Variants in TARBP1 observed in about 807,000 individuals in gnomAD.
TARBP1 encodes tRNA (guanosine(18)-2'-O)-methyltransferase TARBP1.
In TARBP1, 144 loss-of-function variants were observed where a neutral mutation model predicts 178.6. The observed-to-expected ratio is 0.81, with a 90% CI of 0.70 to 0.93. TARBP1 has a LOEUF of 0.93. Among genes scored for constraint, TARBP1 ranks in the 40% least tolerant of loss-of-function variants. TARBP1 has a pLI of 0.00. For missense variants in TARBP1, 2,067 were observed against 2,011.7 expected (o/e 1.03, Z -0.53); for synonymous variants, 787 against 781.0 (o/e 1.01, Z -0.13).
Position 234,418,182 on chromosome 1 carries a change from T to C in TARBP1, c.3607A>G (p.Asn1203Asp). The C allele has an allele frequency of 6.4e-7, 1 of 1,553,854 alleles. No individual in the cohort carries two copies. The highest frequency in any genetic ancestry group is 8.6e-7 in the Non-Finnish European group (1 of 1,161,856). ...ATAAAATATTTTATGGATGCTTGAT[T>C]GTTGGTGAAACCAGCCTGGAAAATC... ...DRIFQAGFTN[N>D]QASIKYFIEW... Residue 1203 changes from asparagine to aspartate, a missense_variant, in exon 22 of 30, where the codon AAT (asparagine) becomes GAT (aspartate). Coordinates refer to ENST00000040877, the MANE Select transcript of TARBP1 (RefSeq NM_005646.4).
Position 234,457,667 on chromosome 1 carries a change from C to A in TARBP1, c.1722G>T (p.Glu574Asp). The change falls in exon 9 of 30, where the codon GAG becomes GAT. Residue 574 changes from glutamate to aspartate, a missense_variant and splice_region_variant. By Grantham distance (45) the Glu-to-Asp change is conservative. Coordinates refer to ENST00000040877, the MANE Select transcript of TARBP1 (RefSeq NM_005646.4). Reference sequence around the variant, plus strand: ...TTTATTAAATTATCTTTAATCTCACCTCTGTCCACAATGAAGTTCCTCGTC... The same window carrying A: ...TTTATTAAATTATCTTTAATCTCACATCTGTCCACAATGAAGTTCCTCGTC... ...SLGRGTSLWT[E>D]LCDWLRVNES... The A allele has an allele frequency of 1.3e-6, 2 of 1,598,924 alleles. No homozygotes were observed. The highest frequency in any genetic ancestry group is 1.7e-6 in the Non-Finnish European group (2 of 1,171,020).
In TARBP1 at chr1:234,478,786, C is replaced by T; in HGVS notation, c.318G>A (p.Ser106=). The change falls in exon 1 of 30, where the codon TCG becomes TCA. Residue 106 remains serine (S), a synonymous_variant. Coordinates refer to ENST00000040877, the MANE Select transcript of TARBP1 (RefSeq NM_005646.4). ...GCGGACGCCCGGCCAGGCGGACGCA[C>T]GAGCGCAGGGCCGCGCCCGCCGCCC... is the stretch of plus-strand genomic sequence containing the variant. ...VLRAAGAALR[S]CVRLAGRPQL... 1 of 1,127,244 alleles carries T rather than the reference C, an allele frequency of 8.9e-7. No individual in the cohort carries two copies. Among genetic ancestry groups the T allele is most frequent in the Non-Finnish European group, 1.1e-6 (1 of 923,424 alleles). The allele number at this position is 1,127,244 out of a possible 1,614,324, so 69.8% of individuals were successfully genotyped here. A position where few individuals can be genotyped will look rare whatever the true frequency, so the allele number is the denominator to read the frequency against.
chr1:234,401,036 TA>T, intron 25 of TARBP1, 144 bp downstream of exon 25: 3 of 590,636 alleles, frequency 5.1e-6, no homozygotes, highest in Non-Finnish European at 8.7e-6. Flanking sequence ...GTGACAAAGT[TA>T]AACTTAGAAC....
At chr1:234,456,470 C>T (rs913379252) in intron 9 of TARBP1, among the ~76,000 whole-genome samples, 2 of 152,204 alleles carry the variant, frequency 1.3e-5, no homozygotes, top group African/African-American at 4.8e-5. Context: ...CAAAGTGCCA[C>T]TGTGCCCAGC....
intron 20 of TARBP1, among the ~76,000 whole-genome samples, chr1:234,422,172 C>A (rs750813): frequency 0.23 from 34,922 of 151,964 alleles, 4,352 homozygotes; most frequent in East Asian, 0.44. Flanking sequence ...TAGGACCTCA[C>A]CAAGTCACCA....
At chr1:234,419,339 A>G (rs957890430) in intron 21 of TARBP1, among the ~76,000 whole-genome samples, 1 of 152,184 alleles carries the variant, frequency 6.6e-6, no homozygotes, top group Admixed American at 6.5e-5. Context: ...AGTGGAGCAT[A>G]CATTTTGTAG....
At chr1:234,396,044 T>C (rs1659902485) in intron 26 of TARBP1, among the ~76,000 whole-genome samples, 1 of 152,094 alleles carries the variant, frequency 6.6e-6, no homozygotes, top group Admixed American at 6.6e-5. Flanking sequence ...CAATTATTAT[T>C]TGTCAATTAA....
intron 9 of TARBP1, among the ~76,000 whole-genome samples, chr1:234,455,923 CA>C (rs1160435237): frequency 6.6e-6 from 1 of 151,960 alleles, no homozygotes; most frequent in Non-Finnish European, 1.5e-5. Context: ...AGAAATACTA[CA>C]AAGACATGAA....
intron 12 of TARBP1, among the ~76,000 whole-genome samples, chr1:234,437,850 T>C (rs1393136449): frequency 1.3e-5 from 2 of 152,172 alleles, no homozygotes; most frequent in African/African-American, 4.8e-5. Context: ...GAGCAGACAG[T>C]GAGTACTGGA....
chr1:234,461,210 GTTAAT>G (rs764348842), intron 6 of TARBP1, among the ~76,000 whole-genome samples: 13 of 152,320 alleles, frequency 8.5e-5, no homozygotes, highest in Non-Finnish European at 1.5e-4. Flanking sequence ...GTAAAAAAAA[GTTAAT>G]TTAATTCCTA....
chr1:234,416,584 G>A (rs569930166), intron 22 of TARBP1, among the ~76,000 whole-genome samples: 14 of 152,236 alleles, frequency 9.2e-5, no homozygotes, highest in Admixed American at 2.0e-4. Context: ...GGCATGAGCC[G>A]CCACTCCTGG....
chr1:234,471,160 TAAAA>T, intron 3 of TARBP1, 24 bp downstream of exon 3: 1 of 1,519,928 alleles, frequency 6.6e-7, no homozygotes, highest in Non-Finnish European at 9.0e-7. Context: ...TAAATGTTAT[TAAAA>T]AATAAAATAA....
chr1:234,429,751 T>C, intron 15 of TARBP1, 74 bp from the exon 16 acceptor site: 6 of 880,382 alleles, frequency 6.8e-6, no homozygotes, highest in Non-Finnish European at 9.5e-6. Flanking sequence ...TAGCACACTA[T>C]CCTTTCTAAA....
At chr1:234,425,926 ATGACAATACT>A in intron 19 of TARBP1, 133 bp from the exon 20 acceptor site, 1 of 644,248 alleles carries the variant, frequency 1.6e-6, no homozygotes, top group Non-Finnish European at 2.6e-6. Flanking sequence ...TCCATACTTA[ATGACAATACT>A]TTTTAATTTA....
Position 234,394,723 on chromosome 1 carries a change from T to C in TARBP1, c.4244-886A>G, listed in dbSNP as rs373583464. 5.2e-4 allele frequency among the ~76,000 whole-genome samples: 79 copies of C among 152,334 alleles called. 4 individuals are homozygous for C. The highest frequency in any genetic ancestry group is 3.3e-3 in the East Asian group (17 of 5,178). ...CATGGTTCAGACAGCAGCAAGTACC[T>C]TGGTTTAGTGCACAGCCTGCAATGG... On this transcript the variant is annotated intron_variant, in intron 26 of 29. Coordinates refer to ENST00000040877, the MANE Select transcript of TARBP1 (RefSeq NM_005646.4).
chr1:234,478,138 G>C, intron 1 of TARBP1, 35 bp downstream of exon 1: 2 of 1,591,120 alleles, frequency 1.3e-6, no homozygotes, highest in Non-Finnish European at 1.7e-6. Flanking sequence ...CAGCCAAGTA[G>C]GTAGCACTAG....
rs759441442 is a variant in TARBP1, at chr1:234,427,327, C to G, written c.3313G>C (p.Val1105Leu). The G allele has an allele frequency of 6.2e-7, 1 of 1,609,640 alleles. No homozygotes were observed. The highest frequency in any genetic ancestry group is 1.1e-5 in the South Asian group (1 of 90,102). ...NLGHDCAANI[V>L]MENTKREDHY... ...ATCTACCATACTTACTTTTCCATAACAATATTTGCCGCACAGTCATGTCCA... is the reference window on the plus strand; with the variant it reads ...ATCTACCATACTTACTTTTCCATAAGAATATTTGCCGCACAGTCATGTCCA... Residue 1105 changes from valine (V) to leucine (L), a missense_variant, in exon 19 of 30, where the codon GTT becomes CTT. Val to Leu is a conservative substitution (Grantham distance 32). Coordinates refer to ENST00000040877, the MANE Select transcript of TARBP1 (RefSeq NM_005646.4).
Position 234,467,873 on chromosome 1 carries a change from G to T in TARBP1, c.1100-223C>A, listed in dbSNP as rs1668607510. ...TGCAGCCTCAAACTCCAGGGCTCAA[G>T]CGATCCTCCTGCCTCAGCTTCCTGA... On this transcript the variant is annotated intron_variant, in intron 3 of 29. Coordinates refer to ENST00000040877, the MANE Select transcript of TARBP1 (RefSeq NM_005646.4). Among the ~76,000 whole-genome samples, 3 of 152,256 alleles carry T rather than the reference G, an allele frequency of 2.0e-5. No homozygotes were observed. In the South Asian group the frequency reaches 6.2e-4, roughly 32 times the overall value.
chr1:234,471,068 A>G (rs1037033672), intron 3 of TARBP1, 120 bp downstream of exon 3: 2 of 727,956 alleles, frequency 2.7e-6, no homozygotes, highest in South Asian at 3.6e-5. Flanking sequence ...CAAGATGATT[A>G]TATTTTCTTC....
Sources: allele counts gnomAD v4.1 joint callset (sites outside exome capture counted in the v4.1 genomes callset), GRCh38; gene constraint gnomAD v4.1.1; transcripts MANE v1.5; gene names NCBI Gene and HGNC (gene_info 2026-07-23, HGNC 2026-07-21).